Variants in USH2A observed in about 807,000 individuals in gnomAD.
The protein encoded by USH2A is Usher syndrome 2A (autosomal recessive, mild).
In USH2A, 443 loss-of-function variants were observed where a neutral mutation model predicts 538.9. The observed-to-expected ratio is 0.82, with a 90% CI of 0.76 to 0.89. The LOEUF is 0.89. Ranked by LOEUF, USH2A falls within the 40% of genes least tolerant of loss-of-function variation. The pLI, the probability that USH2A is intolerant of heterozygous loss-of-function variation, is 0.00. For synonymous variants in USH2A, 2,413 were observed against 2,273.5 expected, an observed-to-expected ratio of 1.06 and a Z score of -1.75; for missense variants, 6,633 against 6,324.8, an observed-to-expected ratio of 1.05 and a Z score of -1.65.
intron 4 of USH2A, among the ~76,000 whole-genome samples, chr1:216,329,336 A>T (rs2037802482): frequency 6.6e-6 from 1 of 152,176 alleles, no homozygotes; most frequent in African/African-American, 2.4e-5. Flanking sequence ...CAGGATCTAA[A>T]GTTAAACAAA....
chr1:215,873,814 A>AT (rs1161698544), intron 43 of USH2A, among the ~76,000 whole-genome samples: 3 of 151,944 alleles, frequency 2.0e-5, no homozygotes, highest in Non-Finnish European at 4.4e-5. Context: ...AAAAAAAAAA[A>AT]AATACTCTGA....
chr1:215,834,282 A>T (rs1663412309), intron 47 of USH2A, among the ~76,000 whole-genome samples: 2 of 152,122 alleles, frequency 1.3e-5, no homozygotes, highest in Admixed American at 1.3e-4. Flanking sequence ...GAGAACTGAA[A>T]ATTATCCAAA....
intron 55 of USH2A, among the ~76,000 whole-genome samples, chr1:215,775,699 G>T (rs1235259127): frequency 6.6e-6 from 1 of 152,150 alleles, no homozygotes; most frequent in Non-Finnish European, 1.5e-5. Context: ...TGTATTGGTG[G>T]TTAAAGTATG....
intron 32 of USH2A, among the ~76,000 whole-genome samples, chr1:216,025,368 G>A (rs1668938082): frequency 6.7e-6 from 1 of 148,674 alleles, no homozygotes; most frequent in African/African-American, 2.6e-5. Flanking sequence ...TTTTCTTAGA[G>A]CTTTCATGGT....
intron 61 of USH2A, among the ~76,000 whole-genome samples, chr1:215,714,546 GT>G (rs1228551150): frequency 6.6e-6 from 1 of 152,054 alleles, no homozygotes; most frequent in African/African-American, 2.4e-5. Flanking sequence ...GGTTTCCTAG[GT>G]TTTTTCCCTC....
At chr1:216,332,140 A>C (rs1225534202) in intron 4 of USH2A, among the ~76,000 whole-genome samples, 1 of 152,104 alleles carries the variant, frequency 6.6e-6, no homozygotes, top group East Asian at 1.9e-4. Flanking sequence ...AGAGGATCAG[A>C]ATGGGAGTGG....
At chr1:215,930,322 T>A (rs1312663485) in intron 38 of USH2A, among the ~76,000 whole-genome samples, 17 of 152,044 alleles carry the variant, frequency 1.1e-4, no homozygotes, top group Non-Finnish European at 1.5e-5. Context: ...TGCCCTTTTA[T>A]GCTTCTTCTG....
intron 46 of USH2A, among the ~76,000 whole-genome samples, chr1:215,840,620 T>G (rs916583687): frequency 2.6e-5 from 4 of 152,202 alleles, no homozygotes; most frequent in South Asian, 4.1e-4. Flanking sequence ...TAAAGCCTTT[T>G]CCATAGAATA....
chr1:215,906,831 G>A (rs1665650718), intron 38 of USH2A, among the ~76,000 whole-genome samples: 1 of 151,970 alleles, frequency 6.6e-6, no homozygotes, highest in Non-Finnish European at 1.5e-5. Context: ...TTTAAAAATT[G>A]TGTTTTCGTA....
chr1:216,324,311 C>T lies in USH2A; in HGVS notation c.1185G>A (p.Thr395=), dbSNP rs981478325. The change falls in exon 7 of 72, where the codon ACG becomes ACA. Residue 395 remains threonine (T), a synonymous_variant. Coordinates refer to ENST00000307340, the MANE Select transcript of USH2A (RefSeq NM_206933.4). ...CCTTCTTCCTTTGAATCCTTATTTC[C>T]GTTGGTTGTGGACTAAAGAACTGAA... ...IIIQFFSPQP[T]EIRIQRKKEN... 8 of 1,612,614 alleles carry T rather than the reference C, an allele frequency of 5.0e-6. No homozygotes were observed. The highest frequency in any genetic ancestry group is 4.0e-5 in the African/African-American group (3 of 74,836).
chr1:216,269,274 A>T (rs2036532155), intron 11 of USH2A, among the ~76,000 whole-genome samples: 2 of 152,002 alleles, frequency 1.3e-5, no homozygotes, highest in Admixed American at 1.3e-4. Context: ...AATAAATCTC[A>T]CGAGATCTGA....
At chr1:215,660,973 T>G (rs938314622) in intron 64 of USH2A, among the ~76,000 whole-genome samples, 1 of 152,250 alleles carries the variant, frequency 6.6e-6, no homozygotes, top group South Asian at 2.1e-4. Context: ...TATCCTGAGA[T>G]GTTTATTTAC....
rs1205907151 is a variant in USH2A, at chr1:215,795,668, A to G, written c.9958+3239T>C. Among the ~76,000 whole-genome samples the G allele has an allele frequency of 2.0e-5, 3 of 152,154 alleles. No homozygotes were observed. In the East Asian group the frequency reaches 5.8e-4, roughly 29 times the overall value. Reference sequence around the variant, plus strand: ...GTAACACTTTTGCACCCTCCCTGCCACCTTGGTTCTATCTTTAATAGACCT... The same window carrying G: ...GTAACACTTTTGCACCCTCCCTGCCGCCTTGGTTCTATCTTTAATAGACCT... On this transcript the variant is annotated intron_variant, in intron 50 of 71. Transcript: ENST00000307340.
At position 216,233,217 on chromosome 1, in the gene USH2A, G is replaced by A. The variant is rs8179342; in HGVS notation, c.2810-1081C>T. On this transcript the variant is annotated intron_variant, in intron 13 of 71. Coordinates refer to ENST00000307340, the MANE Select transcript of USH2A (RefSeq NM_206933.4). ...GCTTTAGCTCATGGCTCATCCCCCC[G>A]CTCAGTCCATTGCAGTCATATTTGT... 8.9e-3 allele frequency among the ~76,000 whole-genome samples: 1,345 copies of A among 151,976 alleles called. 31 individuals are homozygous for A. The highest frequency in any genetic ancestry group is 0.045 in the Admixed American group (688 of 15,250).
chr1:216,413,224 C>A (rs74141593), intron 3 of USH2A, among the ~76,000 whole-genome samples: 240 of 151,870 alleles, frequency 1.6e-3, no homozygotes, highest in African/African-American at 5.1e-3. Flanking sequence ...AGAGTCAGAG[C>A]TAAATGCAAT....
rs758813630 is a variant in USH2A at position 216,289,457 on chromosome 1, T to A, written c.1841-47A>T. ...CATTATGACTTCTAATTCATTAAAA[T>A]CAGCTGCATAATTCAAAATTAAAGA... On this transcript the variant is annotated intron_variant, in intron 10 of 71. Coordinates refer to ENST00000307340, the MANE Select transcript of USH2A (RefSeq NM_206933.4). 18 of 1,612,190 alleles carry A rather than the reference T, an allele frequency of 1.1e-5. No homozygotes were observed. The East Asian group carries it at 1.3e-4, about 12-fold the overall frequency.
chr1:215,640,594 C>T lies in USH2A; in HGVS notation c.14932G>A (p.Asp4978Asn). ...GTTCTCGGTATGTAGAGGGTGGTGT[C>T]CAAGCCGCTGTACACGCGTCGCCCT... ...DGGRRVYSGLDTTLYIPRTAD... is the reference protein window; with the variant it reads ...DGGRRVYSGLNTTLYIPRTAD... Residue 4978 changes from aspartate to asparagine, a missense_variant, in exon 68 of 72, where the codon GAC becomes AAC. Transcript: ENST00000307340. The T allele has an allele frequency of 1.2e-6, 2 of 1,613,756 alleles. No homozygotes were observed. Among genetic ancestry groups the T allele is most frequent in the Non-Finnish European group, 1.7e-6 (2 of 1,179,974 alleles).
intron 37 of USH2A, among the ~76,000 whole-genome samples, chr1:215,946,049 T>G (rs1432667957): frequency 6.6e-6 from 1 of 152,180 alleles, no homozygotes; most frequent in Non-Finnish European, 1.5e-5. Context: ...CAAGTGCCAT[T>G]ACATGAAGTT....
chr1:216,319,755 A>G (rs971247681), intron 9 of USH2A, among the ~76,000 whole-genome samples: 3 of 152,222 alleles, frequency 2.0e-5, no homozygotes, highest in African/African-American at 7.2e-5. Flanking sequence ...TATTCTTACC[A>G]TTGAACTATT....
Sources: gnomAD v4.1 joint callset for allele counts (sites outside exome capture counted in the v4.1 genomes callset) on GRCh38, gnomAD v4.1.1 for gene constraint, MANE v1.5 for transcripts, NCBI Gene and HGNC (gene_info 2026-07-23, HGNC 2026-07-21) for gene names.